Variants in PKIB observed in about 807,000 individuals in gnomAD.
PKIB encodes PKI-beta.
Under a neutral mutation model 4.5 loss-of-function variants are expected in PKIB, and 2 were observed. The observed-to-expected ratio is 0.44, with a 90% CI of 0.18 to 1.39. The LOEUF (loss-of-function observed/expected upper bound fraction) is 1.39, where lower values mean the gene tolerates loss of function less well. Ranked by LOEUF, PKIB falls within the 40% of genes most tolerant of loss-of-function variation. PKIB has a pLI of 0.27. For synonymous variants in PKIB, 38 were observed against 36.0 expected, an observed-to-expected ratio of 1.06 and a Z score of -0.20; for missense variants, 94 against 92.6, an observed-to-expected ratio of 1.02 and a Z score of -0.06.
At chr6:122,479,648 ATC>A (rs1235327311) in intron 2 of PKIB, 1 of 152,192 alleles carries the variant, frequency 6.6e-6, no homozygotes, top group Non-Finnish European at 1.5e-5. Flanking sequence ...CTAGACTGTG[ATC>A]TCTCTTTGCC....
chr6:122,649,052 T>A lies in PKIB; in HGVS notation c.-76+15685T>A, dbSNP rs112261342. 1.3e-3 allele frequency among the ~76,000 whole-genome samples: 192 copies of A among 152,336 alleles called. 1 individual carries two copies. Among genetic ancestry groups the A allele is most frequent in the African/African-American group, 4.5e-3 (187 of 41,588 alleles). ...ATGGGTCATTCTACCCACTTGATTATTAAAATTCTCCTCTGCTGAGGTCAT... is the reference window on the plus strand; with the variant it reads ...ATGGGTCATTCTACCCACTTGATTAATAAAATTCTCCTCTGCTGAGGTCAT... On this transcript the variant is annotated intron_variant, in intron 2 of 4. Coordinates refer to ENST00000368452, the MANE Select transcript of PKIB (RefSeq NM_181795.3).
chr6:122,634,186 C>T (rs978654278), intron 2 of PKIB, among the ~76,000 whole-genome samples: 1 of 151,926 alleles, frequency 6.6e-6, no homozygotes, highest in Non-Finnish European at 1.5e-5. Context: ...GGGAGGGGAA[C>T]ATCACACACC....
At position 122,678,462 on chromosome 6, in the gene PKIB, A is replaced by G. The variant is rs369468981; in HGVS notation, c.-9+3318A>G. Among the ~76,000 whole-genome samples the G allele has an allele frequency of 6.6e-5, 10 of 152,162 alleles. No homozygotes were observed. The East Asian group carries it at 1.4e-3, about 21-fold the overall frequency. On this transcript the variant is annotated intron_variant, in intron 3 of 4. Coordinates refer to ENST00000368452, the MANE Select transcript of PKIB (RefSeq NM_181795.3). Reference sequence around the variant, plus strand: ...TTCTGTATCTCCAGAAGGCAGAGCCATCATCTTAGTTTGTTTCTTTTTTTT... The same window carrying G: ...TTCTGTATCTCCAGAAGGCAGAGCCGTCATCTTAGTTTGTTTCTTTTTTTT...
intron 1 of PKIB, among the ~76,000 whole-genome samples, chr6:122,611,386 G>C (rs1001843170): frequency 6.6e-6 from 1 of 152,138 alleles, no homozygotes; most frequent in Non-Finnish European, 1.5e-5. Context: ...CGTGAACTAG[G>C]CATGTGGGAA....
chr6:122,591,220 C>A (rs2566836), intron 3 of PKIB, among the ~76,000 whole-genome samples: 98,064 of 142,366 alleles, frequency 0.69, 33,658 homozygotes, highest in Admixed American at 0.76. Flanking sequence ...ACACACACAC[C>A]CCCCACATAC....
intron 1 of PKIB, among the ~76,000 whole-genome samples, chr6:122,617,533 G>A (rs1775045478): frequency 6.6e-6 from 1 of 152,064 alleles, no homozygotes; most frequent in Non-Finnish European, 1.5e-5. Context: ...AAACACTGGA[G>A]GAAACAAAAC....
At chr6:122,681,945 C>T (rs1042029062) in intron 3 of PKIB, among the ~76,000 whole-genome samples, 2 of 152,178 alleles carry the variant, frequency 1.3e-5, no homozygotes, top group South Asian at 2.1e-4. Flanking sequence ...GCTCAATATT[C>T]GTTCCAGAAC....
At chr6:122,617,745 G>A (rs112844465) in intron 1 of PKIB, among the ~76,000 whole-genome samples, 15 of 151,922 alleles carry the variant, frequency 9.9e-5, no homozygotes, top group African/African-American at 3.6e-4. Flanking sequence ...CAACAGTTTA[G>A]GTTATGTCTA....
chr6:122,531,841 G>C (rs559285735), intron 2 of PKIB, among the ~76,000 whole-genome samples: 1 of 152,324 alleles, frequency 6.6e-6, no homozygotes, highest in African/African-American at 2.4e-5. Context: ...TTAGCACTCA[G>C]CATTGTGCTT....
chr6:122,563,889 A>G (rs1283093556), intron 2 of PKIB, among the ~76,000 whole-genome samples: 4 of 152,170 alleles, frequency 2.6e-5, no homozygotes, highest in African/African-American at 9.7e-5. Flanking sequence ...CCCAGCTGTG[A>G]GAGAAGAAGG....
At chr6:122,585,648 A>G (rs983553140) in intron 2 of PKIB, 1 of 152,142 alleles carries the variant, frequency 6.6e-6, no homozygotes, top group African/African-American at 2.4e-5. Context: ...AGTGAAATTA[A>G]TTATGTAAGT....
rs540900211 is a variant in PKIB, at chr6:122,721,035, A to T, written c.169+3072A>T. 1.0e-3 allele frequency among the ~76,000 whole-genome samples: 157 copies of T among 152,252 alleles called. 1 individual carries two copies. Among genetic ancestry groups the T allele is most frequent in the African/African-American group, 3.7e-3 (155 of 41,568 alleles). On this transcript the variant is annotated intron_variant, in intron 4 of 4. Coordinates refer to ENST00000368452, the MANE Select transcript of PKIB (RefSeq NM_181795.3). ...ATATTTTCAAAACATATTTTATATGATTGAGGAGAAAACAGTGCAAATGAA... is the reference window on the plus strand; with the variant it reads ...ATATTTTCAAAACATATTTTATATGTTTGAGGAGAAAACAGTGCAAATGAA...
chr6:122,720,644 A>G (rs549062420), intron 4 of PKIB, among the ~76,000 whole-genome samples: 2 of 152,278 alleles, frequency 1.3e-5, no homozygotes, highest in East Asian at 3.9e-4. Context: ...GATTTGATAT[A>G]TAGGTCTGGT....
chr6:122,705,368 C>G (rs928138224), intron 3 of PKIB, among the ~76,000 whole-genome samples: 1 of 152,130 alleles, frequency 6.6e-6, no homozygotes, highest in Non-Finnish European at 1.5e-5. Context: ...TAATAGCCAT[C>G]AAGTCTGATA....
chr6:122,699,783 C>T (rs1434715371), intron 3 of PKIB, among the ~76,000 whole-genome samples: 1 of 152,192 alleles, frequency 6.6e-6, no homozygotes, highest in South Asian at 2.1e-4. Context: ...TGGGTCAGAG[C>T]GTCCATGTCC....
intron 3 of PKIB, among the ~76,000 whole-genome samples, chr6:122,709,171 A>G (rs1399391059): frequency 6.6e-6 from 1 of 152,174 alleles, no homozygotes; most frequent in Non-Finnish European, 1.5e-5. Context: ...TACTTTTTAA[A>G]AATGTAGAAT....
At chr6:122,508,130 T>C (rs377107572) in intron 2 of PKIB, among the ~76,000 whole-genome samples, 150 of 152,366 alleles carry the variant, frequency 9.8e-4, no homozygotes, top group South Asian at 3.7e-3. Context: ...TACAGTAGTC[T>C]GGTCCATTGT....
intron 3 of PKIB, among the ~76,000 whole-genome samples, chr6:122,597,229 G>A (rs1260169946): frequency 6.6e-5 from 10 of 152,300 alleles, no homozygotes; most frequent in South Asian, 2.1e-4. Flanking sequence ...GGCCCAGCGC[G>A]ATATCTTGTA....
intron 3 of PKIB, among the ~76,000 whole-genome samples, chr6:122,682,558 A>C (rs781702247): frequency 6.6e-6 from 1 of 152,168 alleles, no homozygotes; most frequent in Non-Finnish European, 1.5e-5. Context: ...TTTTGGCATA[A>C]AACCTCAATA....
Sources: allele counts gnomAD v4.1 joint callset (sites outside exome capture counted in the v4.1 genomes callset), GRCh38; gene constraint gnomAD v4.1.1; transcripts MANE v1.5; gene names NCBI Gene and HGNC (gene_info 2026-07-23, HGNC 2026-07-21).